QKI: variants seen among roughly 807,000 people sequenced by gnomAD.
QKI encodes the protein QKI, KH domain containing RNA binding.
Under a neutral mutation model 39.0 loss-of-function variants are expected in QKI, and 10 were observed. The observed-to-expected ratio is 0.26, with a 90% CI of 0.16 to 0.43. The LOEUF (loss-of-function observed/expected upper bound fraction) is 0.43, where lower values mean the gene tolerates loss of function less well. QKI is among the 20% of genes least tolerant of loss of function. The pLI is 1.00. For synonymous variants in QKI, 204 were observed against 155.4 expected, an observed-to-expected ratio of 1.31 and a Z score of -2.33; for missense variants, 218 against 428.0, an observed-to-expected ratio of 0.51 and a Z score of 4.33.
chr6:163,543,460 T>C (rs1220410407), intron 4 of QKI, among the ~76,000 whole-genome samples: 1 of 152,018 alleles, frequency 6.6e-6, no homozygotes, highest in African/African-American at 2.4e-5. Flanking sequence ...GTGTGGTAAT[T>C]AGCAGTCTCT....
Position 163,577,057 on chromosome 6 carries a change from G to C in QKI, c.*6347G>C, listed in dbSNP as rs1474409680. On this transcript the variant is annotated 3_prime_UTR_variant, in exon 8 of 8. Coordinates refer to ENST00000361752, the MANE Select transcript of QKI (RefSeq NM_006775.3). ...TTCATCAGCTTCATGAAAAGGACTA[G>C]TGTCATTAACCTGTTGAACAGAATT... 6.6e-6 allele frequency: 1 copy of C among 152,140 alleles called. No individual in the cohort carries two copies. Among genetic ancestry groups the C allele is most frequent in the Non-Finnish European group, 1.5e-5 (1 of 68,026 alleles). 9.4% of individuals were successfully genotyped at this position (152,140 alleles called of 1,614,324 possible).
At chr6:163,489,588 A>G (rs1777927947) in intron 3 of QKI, among the ~76,000 whole-genome samples, 1 of 150,674 alleles carries the variant, frequency 6.6e-6, no homozygotes, top group African/African-American at 2.5e-5. Context: ...TTGAAATGGT[A>G]CCATTACAAC....
At chr6:163,487,330 C>G (rs1329225479) in intron 3 of QKI, among the ~76,000 whole-genome samples, 1 of 152,112 alleles carries the variant, frequency 6.6e-6, no homozygotes, top group Non-Finnish European at 1.5e-5. Flanking sequence ...CTCACTTCAC[C>G]TTTTGCCTCC....
At position 163,570,819 on chromosome 6, in the gene QKI, G is replaced by T. The variant is rs1372265022; in HGVS notation, c.*109G>T. The T allele has an allele frequency of 5.0e-6, 7 of 1,407,264 alleles. No individual in the cohort carries two copies. The highest frequency in any genetic ancestry group is 1.4e-5 in the South Asian group (1 of 70,708). 87.2% of individuals were successfully genotyped at this position (1,407,264 alleles called of 1,614,324 possible). A position where few individuals can be genotyped will look rare whatever the true frequency, so the allele number is the denominator to read the frequency against. ...TTTGCTTGCCTGTCGTCAGTGCAGC[G>T]AGCTGAGGCACTTGTCCGTTCGTCT... On this transcript the variant is annotated 3_prime_UTR_variant, in exon 8 of 8. Transcript: ENST00000361752.
At chr6:163,417,728 C>G (rs1433917675) in intron 1 of QKI, among the ~76,000 whole-genome samples, 1 of 152,176 alleles carries the variant, frequency 6.6e-6, no homozygotes, top group African/African-American at 2.4e-5. Context: ...TTTACTCCAT[C>G]TCTTGTCTTG....
chr6:163,570,894 CTTTTT>C lies in QKI; in HGVS notation c.*197_*201del, dbSNP rs368970926. On this transcript the variant is annotated 3_prime_UTR_variant, in exon 8 of 8. Coordinates refer to ENST00000361752, the MANE Select transcript of QKI (RefSeq NM_006775.3). ...AAGAAATTGTTGTCCTCCAACTCAGCTTTTTTTTTTTTTTTTTCCTGTTTGGGTGA... is the reference window on the plus strand; with the variant it reads ...AAGAAATTGTTGTCCTCCAACTCAGCTTTTTTTTTTTTCCTGTTTGGGTGA... The C allele has an allele frequency of 9.9e-5, 48 of 483,976 alleles. No individual in the cohort carries two copies. The highest frequency in any genetic ancestry group is 1.6e-4 in the East Asian group (4 of 25,310). The allele number at this position is 483,976 out of a possible 1,614,324, so 30.0% of individuals were successfully genotyped here.
chr6:163,517,076 TC>T lies in QKI; in HGVS notation c.403-17905del, dbSNP rs1190980513. Among the ~76,000 whole-genome samples, 12 of 35,758 alleles carry T rather than the reference TC, an allele frequency of 3.4e-4. No homozygotes were observed. In the East Asian group the frequency reaches 0.013, roughly 40 times the overall value. 23.5% of individuals were successfully genotyped at this position (35,758 alleles called of 152,430 possible). On this transcript the variant is annotated intron_variant, in intron 3 of 7. Coordinates refer to ENST00000361752, the MANE Select transcript of QKI (RefSeq NM_006775.3). ...CACACTCACTCTCTCTCTCTCTCTC[TC>T]TCTTTCTCTCTCTCTCTCTCTCTCT...
chr6:163,551,665 G>T (rs1246523709), intron 4 of QKI, among the ~76,000 whole-genome samples: 1 of 152,192 alleles, frequency 6.6e-6, no homozygotes, highest in Non-Finnish European at 1.5e-5. Context: ...ACTCTTCTTT[G>T]AGGTTGTCAA....
chr6:163,486,556 T>C (rs1012534811), intron 3 of QKI, among the ~76,000 whole-genome samples: 1 of 152,244 alleles, frequency 6.6e-6, no homozygotes. Flanking sequence ...GTATCTCTTA[T>C]AGCAGAGATT....
chr6:163,566,725 G>A lies in QKI; in HGVS notation c.939G>A (p.Ala313=), dbSNP rs765276688. Residue 313 remains alanine (A), a synonymous_variant, in exon 7 of 8, where the codon GCG becomes GCA. Coordinates refer to ENST00000361752, the MANE Select transcript of QKI (RefSeq NM_006775.3). ...TGGTAATTGCAATTTAACTAGGTGC[G>A]GTGGCTACTAAAGTTCGAAGGCACG... is the stretch of plus-strand genomic sequence containing the variant. ...YPIEPSGVLG[A]VATKVRRHDM... is the part of the protein sequence containing the mutation. The A allele has an allele frequency of 3.1e-6, 5 of 1,613,424 alleles. No individual in the cohort carries two copies. The African/African-American group carries it at 4.0e-5, about 13-fold the overall frequency.
rs1477537722 is a variant in QKI, at chr6:163,576,678, A to AT, written c.*5969dup. On this transcript the variant is annotated 3_prime_UTR_variant, in exon 8 of 8. Transcript: ENST00000361752. ...GCAATAAACCAACTGGAAAAAGTGC[A>AT]TGTGCTTCATCCTCTCAAGCCAACT... 2.0e-5 allele frequency: 3 copies of AT among 152,174 alleles called. No individual in the cohort carries two copies. The highest frequency in any genetic ancestry group is 2.9e-5 in the Non-Finnish European group (2 of 68,024). The allele number at this position is 152,174 out of a possible 1,614,324, so 9.4% of individuals were successfully genotyped here.
chr6:163,415,975 G>A (rs1787432923), intron 1 of QKI: 1 of 494,158 alleles, frequency 2.0e-6, no homozygotes, highest in South Asian at 1.5e-5. Context: ...GGAGGACTAA[G>A]TGACGGCGAA....
chr6:163,440,324 T>G (rs1789672034), intron 1 of QKI, among the ~76,000 whole-genome samples: 1 of 152,236 alleles, frequency 6.6e-6, no homozygotes, highest in Non-Finnish European at 1.5e-5. Context: ...CTTTATGTGG[T>G]CTTTGGTGAA....
chr6:163,517,061 CTCTCTCTCTCTCTCTCTCTT>C (rs1415674795), intron 3 of QKI, among the ~76,000 whole-genome samples: 5 of 31,878 alleles, frequency 1.6e-4, no homozygotes, highest in African/African-American at 5.9e-4. Context: ...CACACTCACT[CTCTCTCTCTCTCTCTCTCTT>C]TCTCTCTCTC....
intron 3 of QKI, among the ~76,000 whole-genome samples, chr6:163,530,506 G>A (rs146992636): frequency 7.2e-5 from 11 of 152,266 alleles, no homozygotes; most frequent in African/African-American, 2.2e-4. Flanking sequence ...TTAAGAAACA[G>A]AATGAGATCA....
intron 4 of QKI, among the ~76,000 whole-genome samples, chr6:163,545,277 C>G (rs557389168): frequency 6.6e-6 from 1 of 152,218 alleles, no homozygotes; most frequent in African/African-American, 2.4e-5. Context: ...TTTTTATATT[C>G]TATCTCCACA....
intron 1 of QKI, among the ~76,000 whole-genome samples, chr6:163,439,656 C>CTTT (rs375640583): frequency 0.017 from 2,066 of 124,224 alleles, 55 homozygotes; most frequent in Middle Eastern, 0.026. Flanking sequence ...GTCCTGAATC[C>CTTT]TTTTTTTTTT....
At chr6:163,470,018 T>C (rs1205592567) in intron 2 of QKI, among the ~76,000 whole-genome samples, 1 of 151,870 alleles carries the variant, frequency 6.6e-6, no homozygotes, top group African/African-American at 2.4e-5. Flanking sequence ...TCCAGGAAAA[T>C]AGGATACAAT....
chr6:163,509,478 AGG>A (rs35043281), intron 3 of QKI, among the ~76,000 whole-genome samples: 272 of 150,850 alleles, frequency 1.8e-3, no homozygotes, highest in African/African-American at 3.7e-3. Context: ...CATTTAATAA[AGG>A]GGGGGGGGAA....
Sources: allele counts gnomAD v4.1 joint callset (sites outside exome capture counted in the v4.1 genomes callset), GRCh38; gene constraint gnomAD v4.1.1; transcripts MANE v1.5; gene names NCBI Gene and HGNC (gene_info 2026-07-23, HGNC 2026-07-21).